The following EYS variants were observed in gnomAD, a reference collection of about 807,000 sequenced individuals.
EYS encodes protein eyes shut homolog.
Under a neutral mutation model 282.1 loss-of-function variants are expected in EYS, and 250 were observed. The ratio of observed to expected loss-of-function variants is 0.89; its 90% CI spans 0.80 to 0.98. EYS has a LOEUF of 0.98. Ranked by LOEUF, EYS falls within the 50% of genes least tolerant of loss-of-function variation. The pLI is 0.00. For synonymous variants in EYS, 1,355 were observed against 1,282.9 expected (o/e 1.06, Z -1.20); for missense variants, 4,016 against 3,709.0 (o/e 1.08, Z -2.15).
intron 31 of EYS, among the ~76,000 whole-genome samples, chr6:64,197,690 T>C (rs930590551): frequency 6.6e-6 from 1 of 152,018 alleles, no homozygotes; most frequent in Non-Finnish European, 1.5e-5. Context: ...ATATATATAT[T>C]GTACCCCTTA....
At chr6:64,870,424 C>T (rs1193202076) in intron 19 of EYS, among the ~76,000 whole-genome samples, 1 of 134,838 alleles carries the variant, frequency 7.4e-6, no homozygotes, top group African/African-American at 2.8e-5. Flanking sequence ...CTCCTCCCCC[C>T]TCCAAAAAAA....
At chr6:65,004,378 A>G (rs576222676) in intron 13 of EYS, among the ~76,000 whole-genome samples, 6 of 147,632 alleles carry the variant, frequency 4.1e-5, no homozygotes, top group South Asian at 2.2e-4. Context: ...AATCATGGTT[A>G]TATCCTAAAC....
chr6:64,522,190 C>T (rs914804456), intron 26 of EYS, among the ~76,000 whole-genome samples: 3 of 151,654 alleles, frequency 2.0e-5, no homozygotes, highest in African/African-American at 4.8e-5. Context: ...TACACAAAAA[C>T]GAGTGTTCAA....
At chr6:65,637,614 C>T (rs1337131897) in intron 2 of EYS, among the ~76,000 whole-genome samples, 3 of 152,196 alleles carry the variant, frequency 2.0e-5, no homozygotes, top group African/African-American at 7.2e-5. Flanking sequence ...CCATAGCAGG[C>T]TTGAAAGTAC....
At chr6:63,869,411 A>G (rs1351491437) in intron 35 of EYS, among the ~76,000 whole-genome samples, 1 of 149,612 alleles carries the variant, frequency 6.7e-6, no homozygotes, top group Admixed American at 6.7e-5. Flanking sequence ...TTACAAAAAA[A>G]TAAACTTCAT....
chr6:64,107,405 T>C (rs184275362), intron 31 of EYS, among the ~76,000 whole-genome samples: 1 of 150,008 alleles, frequency 6.7e-6, no homozygotes, highest in Admixed American at 6.7e-5. Context: ...CCAGTCCAAG[T>C]CCCAAAACTG....
intron 37 of EYS, among the ~76,000 whole-genome samples, chr6:63,793,885 G>A (rs1173146854): frequency 6.6e-6 from 1 of 152,182 alleles, no homozygotes; most frequent in Non-Finnish European, 1.5e-5. Context: ...GTATGTAGAT[G>A]AGACCTGAAA....
intron 35 of EYS, among the ~76,000 whole-genome samples, chr6:63,914,890 G>T (rs1350965490): frequency 6.6e-6 from 1 of 152,152 alleles, no homozygotes; most frequent in African/African-American, 2.4e-5. Context: ...AGCTACAGAA[G>T]AAAAGTTTGA....
At chr6:64,181,339 C>T (rs981177084) in intron 31 of EYS, among the ~76,000 whole-genome samples, 36 of 152,000 alleles carry the variant, frequency 2.4e-4, no homozygotes, top group Non-Finnish European at 4.4e-4. Flanking sequence ...TCTTTTAATA[C>T]ACTATTTAAT....
chr6:63,780,038 G>GT (rs1416281414), intron 39 of EYS, among the ~76,000 whole-genome samples: 1 of 152,074 alleles, frequency 6.6e-6, no homozygotes, highest in Non-Finnish European at 1.5e-5. Flanking sequence ...CAGAATGATG[G>GT]TTTACAGCTT....
intron 29 of EYS, among the ~76,000 whole-genome samples, chr6:64,315,562 T>A (rs925493812): frequency 6.3e-5 from 9 of 143,744 alleles, no homozygotes; most frequent in South Asian, 2.2e-4. Context: ...CAAAAAGCTT[T>A]TCTACCACGA....
chr6:64,848,340 T>C (rs887868586), intron 19 of EYS, among the ~76,000 whole-genome samples: 5 of 152,096 alleles, frequency 3.3e-5, no homozygotes, highest in African/African-American at 7.2e-5. Context: ...AAAAATCAAA[T>C]GTTTATATAT....
chr6:64,019,853 T>C (rs1458130598), intron 33 of EYS, among the ~76,000 whole-genome samples: 1 of 46,054 alleles, frequency 2.2e-5, no homozygotes, highest in East Asian at 4.5e-4. Context: ...TATATAAGTA[T>C]ATATATATAT....
At chr6:63,906,621 T>G (rs1773785751) in intron 35 of EYS, among the ~76,000 whole-genome samples, 1 of 152,230 alleles carries the variant, frequency 6.6e-6, no homozygotes, top group African/African-American at 2.4e-5. Context: ...AAGCTTTTAG[T>G]TCTAATGTTA....
chr6:64,577,159 T>C lies in EYS; in HGVS notation c.5644+13064A>G, dbSNP rs539177723. Among the ~76,000 whole-genome samples the C allele has an allele frequency of 3.3e-5, 5 of 152,242 alleles. No homozygotes were observed. The East Asian group carries it at 9.7e-4, about 29-fold the overall frequency. On this transcript the variant is annotated intron_variant, in intron 26 of 42. Coordinates refer to ENST00000503581, the MANE Select transcript of EYS (RefSeq NM_001142800.2). ...GCATGACCCTGCTGATACTGTTTTT[T>C]AGTACAGCTAGACTCCAGAATTGTG...
chr6:65,227,631 T>A, intron 12 of EYS, among the ~76,000 whole-genome samples: 1 of 152,130 alleles, frequency 6.6e-6, no homozygotes, highest in East Asian at 1.9e-4. Flanking sequence ...CTAATGTTTA[T>A]AGGAGCATTA....
chr6:64,268,563 T>C (rs7772080), intron 30 of EYS, among the ~76,000 whole-genome samples: 113,732 of 151,966 alleles, frequency 0.75, 43,079 homozygotes, highest in African/African-American at 0.88. Flanking sequence ...CATTGCAGTA[T>C]CCCAAGTACT....
intron 28 of EYS, among the ~76,000 whole-genome samples, chr6:64,392,594 A>G (rs9353755): frequency 0.27 from 40,122 of 149,494 alleles, 5,186 homozygotes; most frequent in East Asian, 0.45. Flanking sequence ...ACAAAGACAC[A>G]ACATACCAGA....
intron 19 of EYS, among the ~76,000 whole-genome samples, chr6:64,824,703 G>C (rs1764998353): frequency 6.6e-6 from 1 of 151,940 alleles, no homozygotes; most frequent in East Asian, 1.9e-4. Context: ...TTTGGGACAG[G>C]ATGCATCCAG....
Sources: gnomAD v4.1 joint callset for allele counts (sites outside exome capture counted in the v4.1 genomes callset) on GRCh38, gnomAD v4.1.1 for gene constraint, MANE v1.5 for transcripts, NCBI Gene and HGNC (gene_info 2026-07-23, HGNC 2026-07-21) for gene names.